Variants in RORA observed in about 807,000 individuals in gnomAD.
RORA encodes the protein RAR related orphan receptor A.
In RORA, 7 loss-of-function variants were observed where a neutral mutation model predicts 69.5. The ratio of observed to expected loss-of-function variants is 0.10; its 90% CI spans 0.06 to 0.19. The LOEUF (loss-of-function observed/expected upper bound fraction) is 0.19. Among genes scored for constraint, RORA ranks in the 10% least tolerant of loss-of-function variants. The pLI is 1.00. For synonymous variants in RORA, 261 were observed against 240.8 expected (o/e 1.08, Z -0.78); for missense variants, 457 against 663.0 (o/e 0.69, Z 3.41).
intron 2 of RORA, among the ~76,000 whole-genome samples, chr15:60,579,597 CTATT>C (rs2068132075): frequency 6.6e-6 from 1 of 152,198 alleles, no homozygotes; most frequent in Non-Finnish European, 1.5e-5. Flanking sequence ...ATTGAGAAAA[CTATT>C]GAACTACCAT....
chr15:60,627,620 C>A (rs1246209563), intron 2 of RORA: 1 of 737,996 alleles, frequency 1.4e-6, no homozygotes, highest in Non-Finnish European at 1.7e-6. Flanking sequence ...AGCTGGGCTC[C>A]TCTCTTTTCT....
At chr15:61,185,695 G>A (rs938034434) in intron 1 of RORA, among the ~76,000 whole-genome samples, 4 of 152,158 alleles carry the variant, frequency 2.6e-5, no homozygotes, top group African/African-American at 9.7e-5. Context: ...GTTCCATTCT[G>A]TGGCAGGACT....
chr15:61,201,254 G>T (rs1427815202), intron 1 of RORA, among the ~76,000 whole-genome samples: 1 of 152,158 alleles, frequency 6.6e-6, no homozygotes, highest in Non-Finnish European at 1.5e-5. Flanking sequence ...GCATTTGCTG[G>T]CACACCCATG....
intron 1 of RORA, among the ~76,000 whole-genome samples, chr15:61,037,433 C>G (rs775589843): frequency 6.6e-6 from 1 of 152,194 alleles, no homozygotes; most frequent in Non-Finnish European, 1.5e-5. Flanking sequence ...ATAAGCTGTA[C>G]AGACATCCTA....
At chr15:61,205,520 A>C (rs934442012) in intron 1 of RORA, among the ~76,000 whole-genome samples, 1 of 152,200 alleles carries the variant, frequency 6.6e-6, no homozygotes, top group Non-Finnish European at 1.5e-5. Context: ...AGTCAGCCGG[A>C]AGTCAGCTAA....
At chr15:60,854,662 C>T (rs951854189) in intron 1 of RORA, among the ~76,000 whole-genome samples, 1 of 152,154 alleles carries the variant, frequency 6.6e-6, no homozygotes. Context: ...AACAGAAATA[C>T]ATAAATAACA....
intron 1 of RORA, among the ~76,000 whole-genome samples, chr15:61,087,851 A>G (rs1477723238): frequency 6.6e-6 from 1 of 152,218 alleles, no homozygotes; most frequent in African/African-American, 2.4e-5. Flanking sequence ...GGAGCCATAA[A>G]TGTTATAGTT....
At chr15:60,867,183 T>TA (rs1555458906) in intron 1 of RORA, among the ~76,000 whole-genome samples, 1 of 152,206 alleles carries the variant, frequency 6.6e-6, no homozygotes, top group Non-Finnish European at 1.5e-5. Flanking sequence ...TCTTTTAATA[T>TA]AAACCAGTAA....
intron 2 of RORA, among the ~76,000 whole-genome samples, chr15:60,542,740 AACGACACACGGGCACACCTCAC>A (rs2066932792): frequency 7.2e-6 from 1 of 137,974 alleles, no homozygotes; most frequent in Non-Finnish European, 1.5e-5. Flanking sequence ...GCACACCTCA[AACGACACACGGGCACACCTCAC>A]ACACAAGTCT....
intron 2 of RORA, among the ~76,000 whole-genome samples, chr15:60,621,499 C>A (rs1024468030): frequency 4.6e-5 from 7 of 152,112 alleles, no homozygotes; most frequent in Non-Finnish European, 8.8e-5. Flanking sequence ...TGCAGGGGTG[C>A]CTTGTTAGAG....
chr15:60,608,362 T>C (rs1203633310), intron 2 of RORA, among the ~76,000 whole-genome samples: 1 of 152,214 alleles, frequency 6.6e-6, no homozygotes, highest in Non-Finnish European at 1.5e-5. Context: ...TTAATGAGAA[T>C]GCAGCTGAAA....
intron 1 of RORA, among the ~76,000 whole-genome samples, chr15:61,064,290 C>A (rs778183096): frequency 3.3e-5 from 5 of 152,182 alleles, no homozygotes; most frequent in Admixed American, 2.6e-4. Flanking sequence ...TTTCCATCCG[C>A]GAAGGTTGTC....
chr15:61,136,449 C>T (rs1047785725), intron 1 of RORA, among the ~76,000 whole-genome samples: 1 of 152,140 alleles, frequency 6.6e-6, no homozygotes, highest in African/African-American at 2.4e-5. Flanking sequence ...CAGTTATTAT[C>T]AACAACTCAA....
chr15:60,831,162 C>T (rs1424641688), intron 1 of RORA, among the ~76,000 whole-genome samples: 1 of 152,212 alleles, frequency 6.6e-6, no homozygotes, highest in Non-Finnish European at 1.5e-5. Context: ...CCAAATGTTA[C>T]TGTATTCTCT....
chr15:60,868,405 G>T (rs572588031), intron 1 of RORA, among the ~76,000 whole-genome samples: 1 of 152,118 alleles, frequency 6.6e-6, no homozygotes, highest in East Asian at 1.9e-4. Flanking sequence ...GCACAGGGAC[G>T]CACATTTGAA....
intron 1 of RORA, among the ~76,000 whole-genome samples, chr15:60,888,531 TCTC>T (rs553410187): frequency 3.2e-4 from 48 of 152,224 alleles, no homozygotes; most frequent in African/African-American, 1.0e-3. Context: ...CTGGCAGTCT[TCTC>T]AGGGAAAGCA....
intron 2 of RORA, among the ~76,000 whole-genome samples, chr15:60,616,193 G>A (rs1321399315): frequency 6.6e-6 from 1 of 152,192 alleles, no homozygotes; most frequent in Non-Finnish European, 1.5e-5. Flanking sequence ...GATCAACCGA[G>A]AGCAAGGTAA....
intron 2 of RORA, among the ~76,000 whole-genome samples, chr15:60,651,388 T>C (rs950945054): frequency 1.3e-5 from 2 of 152,162 alleles, no homozygotes; most frequent in African/African-American, 4.8e-5. Flanking sequence ...GATTTCAACA[T>C]AGAGTATTCC....
At chr15:61,039,066 C>T (rs1896603200) in intron 1 of RORA, 1 of 152,224 alleles carries the variant, frequency 6.6e-6, no homozygotes, top group Admixed American at 6.5e-5. Context: ...TGCTTTGGAG[C>T]CAACTCAAAC....
Sources: gnomAD v4.1 joint callset for allele counts (sites outside exome capture counted in the v4.1 genomes callset) on GRCh38, gnomAD v4.1.1 for gene constraint, MANE v1.5 for transcripts, NCBI Gene and HGNC (gene_info 2026-07-23, HGNC 2026-07-21) for gene names.